The following TRDN variants were observed in gnomAD, a reference collection of about 807,000 sequenced individuals.
TRDN encodes triadin.
TRDN carries 161 observed loss-of-function variants against 149.7 expected under a neutral mutation model. That is an observed-to-expected ratio of 1.08 (90% CI 0.95 to 1.23). The LOEUF (loss-of-function observed/expected upper bound fraction) is 1.23. TRDN is among the 50% of genes most tolerant of loss of function. TRDN has a pLI of 0.00. For missense variants in TRDN, 896 were observed against 823.5 expected (o/e 1.09, Z -1.08); for synonymous variants, 294 against 250.5 (o/e 1.17, Z -1.64).
At chr6:123,299,873 T>A (rs1778340844) in intron 24 of TRDN, among the ~76,000 whole-genome samples, 2 of 152,006 alleles carry the variant, frequency 1.3e-5, no homozygotes, top group South Asian at 4.1e-4. Context: ...AACTAATATA[T>A]TTTAGAATAG....
At chr6:123,351,582 C>T (rs1312255036) in intron 21 of TRDN, 1 of 974,236 alleles carries the variant, frequency 1.0e-6, no homozygotes, top group Non-Finnish European at 1.2e-6. Flanking sequence ...GAAATAAATT[C>T]TTAACCAATC....
intron 2 of TRDN, among the ~76,000 whole-genome samples, chr6:123,556,919 A>G (rs920455905): frequency 6.6e-5 from 10 of 151,788 alleles, no homozygotes; most frequent in African/African-American, 2.2e-4. Flanking sequence ...GCCAGTTCCC[A>G]CCTTAACTGA....
At chr6:123,587,490 C>G (rs1006648629) in intron 1 of TRDN, among the ~76,000 whole-genome samples, 7 of 152,126 alleles carry the variant, frequency 4.6e-5, no homozygotes, top group Non-Finnish European at 7.4e-5. Context: ...GTTCCTTGGG[C>G]TGGTCGGTCT....
intron 34 of TRDN, 113 bp from the exon 35 acceptor site, chr6:123,259,775 A>G (rs1229306839): frequency 2.9e-6 from 2 of 700,098 alleles, no homozygotes; most frequent in Non-Finnish European, 4.5e-6. Flanking sequence ...GGAGGGAGTC[A>G]GGGCTCTCTC....
At chr6:123,501,518 A>G (rs146861619) in intron 8 of TRDN, among the ~76,000 whole-genome samples, 64 of 151,862 alleles carry the variant, frequency 4.2e-4, no homozygotes, top group African/African-American at 1.4e-3. Flanking sequence ...TCATAATGTA[A>G]TTAGTTTTCT....
At chr6:123,248,085 T>C (rs946604641) in intron 38 of TRDN, among the ~76,000 whole-genome samples, 1 of 152,070 alleles carries the variant, frequency 6.6e-6, no homozygotes, top group African/African-American at 2.4e-5. Flanking sequence ...TTACACCTTA[T>C]ACAAAAAATT....
rs553005363 is a variant in TRDN, at chr6:123,217,645, A to C, written c.*956T>G. 2 of 152,036 alleles carry C rather than the reference A, an allele frequency of 1.3e-5. No individual in the cohort carries two copies. Among genetic ancestry groups the C allele is most frequent in the Admixed American group, 6.6e-5 (1 of 15,238 alleles). The allele number at this position is 152,036 out of a possible 1,614,324, so 9.4% of individuals were successfully genotyped here. A position where few individuals can be genotyped will look rare whatever the true frequency, so the allele number is the denominator to read the frequency against. On this transcript the variant is annotated 3_prime_UTR_variant, in exon 41 of 41. Transcript: ENST00000334268. ...ATCTCACGAAGGCATTTAAGGCTAA[A>C]ATGAATTCCTTAAACTTTGATGGCA...
At chr6:123,350,530 A>C (rs186391432) in intron 21 of TRDN, 2 of 671,330 alleles carry the variant, frequency 3.0e-6, no homozygotes, top group East Asian at 2.7e-4. Flanking sequence ...AAGAAAGCAA[A>C]GTATACAAGT....
At chr6:123,225,174 A>G (rs1775310435) in intron 38 of TRDN, among the ~76,000 whole-genome samples, 1 of 151,744 alleles carries the variant, frequency 6.6e-6, no homozygotes, top group South Asian at 2.1e-4. Context: ...AAATAAAACC[A>G]CAATGAGATA....
At chr6:123,503,242 T>A in intron 8 of TRDN, 1 of 984,988 alleles carries the variant, frequency 1.0e-6, no homozygotes, top group Non-Finnish European at 1.2e-6. Flanking sequence ...ATATTCTAAA[T>A]GATGTGCTCT....
At position 123,499,719 on chromosome 6, in the gene TRDN, A is replaced by AAAAAAAAAAAT; in HGVS notation, c.794-2468_794-2467insATTTTTTTTTT. Among the ~76,000 whole-genome samples, 373 of 47,620 alleles carry AAAAAAAAAAAT rather than the reference A, an allele frequency of 7.8e-3. 12 individuals are homozygous for AAAAAAAAAAAT. The highest frequency in any genetic ancestry group is 0.016 in the Middle Eastern group (1 of 64). The allele number at this position is 47,620 out of a possible 152,430, so 31.2% of individuals were successfully genotyped here. ...ATTCTGGCTCAAAAAAAAAAAAAAA[A>AAAAAAAAAAAT]ATATATATATATATATATATATATA... On this transcript the variant is annotated intron_variant, in intron 8 of 40. Coordinates refer to ENST00000334268, the MANE Select transcript of TRDN (RefSeq NM_006073.4).
chr6:123,266,029 G>A lies in TRDN; in HGVS notation c.1784-691C>T, dbSNP rs1582796823. Among the ~76,000 whole-genome samples the A allele has an allele frequency of 2.1e-5, 3 of 141,294 alleles. No individual in the cohort carries two copies. The East Asian group carries it at 6.0e-4, about 28-fold the overall frequency. 92.7% of individuals were successfully genotyped at this position (141,294 alleles called of 152,430 possible). ...CTAAAATTAAGTAAAATAACTAATA[G>A]CTAACAGAGGGAATACAAATTGATA... On this transcript the variant is annotated intron_variant, in intron 32 of 40. Coordinates refer to ENST00000334268, the MANE Select transcript of TRDN (RefSeq NM_006073.4).
At chr6:123,252,341 T>C in intron 38 of TRDN, 71 bp downstream of exon 38, 2 of 960,360 alleles carry the variant, frequency 2.1e-6, no homozygotes, top group Non-Finnish European at 3.1e-6. Flanking sequence ...ATAAAAATAT[T>C]TTATGAATTT....
At chr6:123,314,801 G>T (rs1778964869) in intron 24 of TRDN, among the ~76,000 whole-genome samples, 1 of 151,830 alleles carries the variant, frequency 6.6e-6, no homozygotes, top group Non-Finnish European at 1.5e-5. Flanking sequence ...ATGGGAACAT[G>T]TGAACACATA....
chr6:123,331,843 A>T (rs372822948), intron 23 of TRDN, 36 bp downstream of exon 23: 59 of 1,414,022 alleles, frequency 4.2e-5, no homozygotes, highest in Non-Finnish European at 5.4e-5. Flanking sequence ...CAAAAGGCAG[A>T]TCAATGTGGC....
chr6:123,313,765 T>C (rs978420048), intron 24 of TRDN, among the ~76,000 whole-genome samples: 5 of 151,984 alleles, frequency 3.3e-5, no homozygotes, highest in Non-Finnish European at 7.4e-5. Context: ...CCCTATTCAA[T>C]AAATGGTGCT....
At chr6:123,253,373 G>A (rs1210116655) in intron 37 of TRDN, among the ~76,000 whole-genome samples, 2 of 151,982 alleles carry the variant, frequency 1.3e-5, no homozygotes, top group Non-Finnish European at 2.9e-5. Flanking sequence ...GATTTGTAGA[G>A]TTTCTAACAT....
At chr6:123,333,040 T>C (rs1054743544) in intron 22 of TRDN, among the ~76,000 whole-genome samples, 4 of 152,106 alleles carry the variant, frequency 2.6e-5, no homozygotes, top group African/African-American at 9.7e-5. Flanking sequence ...TAAATAGTGC[T>C]ATTTTTCCAT....
At chr6:123,375,311 G>T (rs1266872019) in intron 19 of TRDN, among the ~76,000 whole-genome samples, 9 of 152,208 alleles carry the variant, frequency 5.9e-5, no homozygotes, top group African/African-American at 1.9e-4. Flanking sequence ...AGTCTGATGT[G>T]TACTGAAGAG....
Sources: allele counts gnomAD v4.1 joint callset (sites outside exome capture counted in the v4.1 genomes callset), GRCh38; gene constraint gnomAD v4.1.1; transcripts MANE v1.5; gene names NCBI Gene and HGNC (gene_info 2026-07-23, HGNC 2026-07-21).